CIMAP1D: variants seen among roughly 807,000 people sequenced by gnomAD.
The protein encoded by CIMAP1D is protein CIMAP1D.
At chr19:482,988 C>A in the CIMAP1D span, among the ~76,000 whole-genome samples, 1 of 152,218 alleles carries the variant, frequency 6.6e-6, no homozygotes, top group Non-Finnish European at 1.5e-5. Flanking sequence ...TGATGAATCA[C>A]TGCACCACTG....
At chr19:488,755 C>G in the CIMAP1D span, among the ~76,000 whole-genome samples, 1 of 152,156 alleles carries the variant, frequency 6.6e-6, no homozygotes. Flanking sequence ...GGGAACAGGA[C>G]CCGGCTTCCC....
the CIMAP1D span, among the ~76,000 whole-genome samples, chr19:466,502 T>A: frequency 1.4e-5 from 2 of 144,212 alleles, no homozygotes; most frequent in African/African-American, 2.6e-5. Context: ...CATGGTTAGG[T>A]AGATGGTGGA....
At chr19:488,643 C>G in the CIMAP1D span, among the ~76,000 whole-genome samples, 2 of 152,068 alleles carry the variant, frequency 1.3e-5, no homozygotes, top group South Asian at 4.1e-4. Context: ...ACCCGCGAAG[C>G]GGGCCGGAAG....
the CIMAP1D span, among the ~76,000 whole-genome samples, chr19:482,692 T>C: frequency 3.8e-3 from 576 of 152,248 alleles, 2 homozygotes; most frequent in Middle Eastern, 6.8e-3. Context: ...AGCTGTTCCA[T>C]GCCTATCACC....
the CIMAP1D span, among the ~76,000 whole-genome samples, chr19:481,137 G>A: frequency 0.017 from 996 of 58,154 alleles, 5 homozygotes; most frequent in African/African-American, 0.027. Flanking sequence ...AGGATGATGG[G>A]GAAGGATGAT....
At chr19:477,402 C>T in the CIMAP1D span, among the ~76,000 whole-genome samples, 1,937 of 152,002 alleles carry the variant, frequency 0.013, 85 homozygotes, top group South Asian at 0.17. Context: ...GGTGAAACCC[C>T]GTCTCTATTA....
At chr19:463,801 G>A in the CIMAP1D span, 6 of 1,466,752 alleles carry the variant, frequency 4.1e-6, no homozygotes, top group Non-Finnish European at 5.4e-6. Flanking sequence ...CCCCAGGAGA[G>A]GCCCGCCAGC....
At chr19:488,392 G>T in the CIMAP1D span, among the ~76,000 whole-genome samples, 2 of 151,938 alleles carry the variant, frequency 1.3e-5, no homozygotes, top group Non-Finnish European at 2.9e-5. Context: ...CGTGGTGGCA[G>T]GCGCCTGTAG....
chr19:463,615 A>C, the CIMAP1D span: 1 of 618,164 alleles, frequency 1.6e-6, no homozygotes. Flanking sequence ...GTGACCTGGA[A>C]GAAACTGGGG....
At chr19:465,869 T>C in the CIMAP1D span, among the ~76,000 whole-genome samples, 1 of 47,816 alleles carries the variant, frequency 2.1e-5, no homozygotes, top group African/African-American at 8.4e-5. Context: ...GATGGGTGGG[T>C]GGATGGGTGG....
the CIMAP1D span, chr19:472,314 G>A: frequency 1.3e-6 from 1 of 790,494 alleles, no homozygotes; most frequent in East Asian, 3.3e-5. Flanking sequence ...TGGATCTAAG[G>A]GGTAAGGAGA....
the CIMAP1D span, among the ~76,000 whole-genome samples, chr19:470,102 G>A: frequency 1.7e-4 from 26 of 152,122 alleles, no homozygotes; most frequent in African/African-American, 6.0e-4. Context: ...AAGTGTGCAC[G>A]ATCCCCAGTC....
At chr19:467,991 G>A in the CIMAP1D span, among the ~76,000 whole-genome samples, 1 of 152,186 alleles carries the variant, frequency 6.6e-6, no homozygotes, top group Non-Finnish European at 1.5e-5. Flanking sequence ...ATTCTGCTCT[G>A]CTGCTGTTTG....
the CIMAP1D span, among the ~76,000 whole-genome samples, chr19:487,692 AG>A: frequency 1.3e-5 from 2 of 152,040 alleles, no homozygotes; most frequent in Admixed American, 6.6e-5. Context: ...AGCATGAGGC[AG>A]GGGGGATCAG....
chr19:490,027 G>C, the CIMAP1D span: 2 of 398,502 alleles, frequency 5.0e-6, no homozygotes, highest in African/African-American at 4.1e-5. Flanking sequence ...AAGAAGAAAA[G>C]AAATGGGTGG....
At chr19:464,283 G>T in the CIMAP1D span, 1 of 1,541,442 alleles carries the variant, frequency 6.5e-7, no homozygotes, top group South Asian at 1.2e-5. Context: ...GCAGCCCAGG[G>T]TGAAAGCCGG....
At chr19:467,569 G>C in the CIMAP1D span, 34 of 893,992 alleles carry the variant, frequency 3.8e-5, no homozygotes, top group African/African-American at 3.0e-4. Flanking sequence ...AGGATAAGAG[G>C]GGGAGGGAGG....
At chr19:474,724 G>A in the CIMAP1D span, 2 of 1,544,866 alleles carry the variant, frequency 1.3e-6, no homozygotes, top group South Asian at 2.4e-5. Context: ...GCCGTGGGGT[G>A]GAGTCGCAGC....
the CIMAP1D span, chr19:472,422 G>T: frequency 4.3e-5 from 67 of 1,545,182 alleles, no homozygotes; most frequent in Middle Eastern, 8.6e-4. Context: ...CGAGCGAGTA[G>T]GCGGGACTGG....
Sources: allele counts gnomAD v4.1 joint callset (sites outside exome capture counted in the v4.1 genomes callset), GRCh38; gene constraint gnomAD v4.1.1; transcripts MANE v1.5; gene names NCBI Gene and HGNC (gene_info 2026-07-23, HGNC 2026-07-21).